Variants in NBEA observed in about 807,000 individuals in gnomAD.
The protein encoded by NBEA is neurobeachin.
NBEA carries 44 observed loss-of-function variants against 343.4 expected under a neutral mutation model. The ratio of observed to expected loss-of-function variants is 0.13; its 90% CI spans 0.10 to 0.16. NBEA has a LOEUF of 0.16. Among genes scored for constraint, NBEA ranks in the 10% least tolerant of loss-of-function variants. NBEA has a pLI of 1.00. For synonymous variants in NBEA, 1,175 were observed against 1,238.7 expected (o/e 0.95, Z 1.08); for missense variants, 2,555 against 3,631.3 (o/e 0.70, Z 7.62).
At chr13:35,387,464 A>G (rs759707487) in intron 38 of NBEA, among the ~76,000 whole-genome samples, 12 of 152,062 alleles carry the variant, frequency 7.9e-5, no homozygotes, top group Admixed American at 3.3e-4. Context: ...TTATATGGTC[A>G]ATAGTAACTT....
At chr13:35,183,552 A>G (rs892021481) in intron 29 of NBEA, among the ~76,000 whole-genome samples, 1 of 152,060 alleles carries the variant, frequency 6.6e-6, no homozygotes, top group Admixed American at 6.6e-5. Flanking sequence ...ACACACAAAC[A>G]TGAGAATATT....
At chr13:35,179,919 T>C in intron 28 of NBEA, 1 of 387,058 alleles carries the variant, frequency 2.6e-6, no homozygotes, top group Non-Finnish European at 3.5e-6. Flanking sequence ...GGAATATGCA[T>C]TTTAAACAGT....
intron 38 of NBEA, among the ~76,000 whole-genome samples, chr13:35,377,315 A>G (rs1176376286): frequency 1.3e-5 from 2 of 152,200 alleles, no homozygotes; most frequent in African/African-American, 4.8e-5. Flanking sequence ...TAGGGATTGC[A>G]AAGGGAGATG....
intron 34 of NBEA, among the ~76,000 whole-genome samples, chr13:35,235,917 G>A (rs1481035346): frequency 6.6e-6 from 1 of 151,980 alleles, no homozygotes; most frequent in East Asian, 1.9e-4. Flanking sequence ...ATGAAATACT[G>A]GAACGGGTTA....
At chr13:34,973,462 T>G (rs1412700494) in intron 1 of NBEA, among the ~76,000 whole-genome samples, 1 of 151,760 alleles carries the variant, frequency 6.6e-6, no homozygotes, top group Non-Finnish European at 1.5e-5. Flanking sequence ...TCCCAGGAAG[T>G]TTTCAAATCT....
At position 35,659,521 on chromosome 13, in the gene NBEA, T is replaced by C. The variant is rs566097568; in HGVS notation, c.8362+3772T>C. On this transcript the variant is annotated intron_variant, in intron 55 of 58. Transcript: ENST00000379939. ...GTATAGAAAGTATGTATGGTTTTAT[T>C]GTGTCAAATATATTGTGAAGAATGC... 3.3e-5 allele frequency among the ~76,000 whole-genome samples: 5 copies of C among 152,336 alleles called. No homozygotes were observed. The East Asian group carries it at 9.6e-4, about 29-fold the overall frequency.
chr13:35,156,661 A>C (rs1271686326), intron 20 of NBEA, among the ~76,000 whole-genome samples: 1 of 152,164 alleles, frequency 6.6e-6, no homozygotes, highest in East Asian at 1.9e-4. Flanking sequence ...CTGAGTCTAT[A>C]ATTTAACAAA....
chr13:35,202,296 C>T (rs2073075793), intron 31 of NBEA, among the ~76,000 whole-genome samples: 1 of 152,132 alleles, frequency 6.6e-6, no homozygotes, highest in Non-Finnish European at 1.5e-5. Flanking sequence ...GTTTGTGTGT[C>T]ATATTCCTTA....
At chr13:35,132,242 C>CT (rs1325388627) in intron 17 of NBEA, among the ~76,000 whole-genome samples, 10 of 152,152 alleles carry the variant, frequency 6.6e-5, no homozygotes. Flanking sequence ...ACTGAAACCT[C>CT]TGCTTCCCAT....
chr13:35,174,852 G>C (rs891308503), intron 27 of NBEA, among the ~76,000 whole-genome samples: 4 of 151,586 alleles, frequency 2.6e-5, no homozygotes, highest in Non-Finnish European at 5.9e-5. Flanking sequence ...GAGTGGAGTG[G>C]CATGATCTCG....
intron 6 of NBEA, among the ~76,000 whole-genome samples, chr13:35,053,308 A>G (rs961613314): frequency 6.6e-6 from 1 of 152,018 alleles, no homozygotes; most frequent in Non-Finnish European, 1.5e-5. Context: ...AAACCTACAC[A>G]CTGAGGAAAG....
At chr13:35,153,145 G>T (rs2068908888) in intron 18 of NBEA, among the ~76,000 whole-genome samples, 1 of 146,950 alleles carries the variant, frequency 6.8e-6, no homozygotes. Flanking sequence ...CCATTCTCCT[G>T]CCTCAGCCTC....
Position 35,211,103 on chromosome 13 carries a change from A to G in NBEA, c.5572A>G (p.Asn1858Asp). ...CTCTTCCTCCTCTTCTAGTTTTGTGAATGGTGCTACTAGCAAAAACCTTCC... is the reference window on the plus strand; with the variant it reads ...CTCTTCCTCCTCTTCTAGTTTTGTGGATGGTGCTACTAGCAAAAACCTTCC... Reference protein sequence around the residue: ...SSSSSSSSFVNGATSKNLPAV... With the variant: ...SSSSSSSSFVDGATSKNLPAV... Residue 1858 changes from asparagine (N) to aspartate (D), a missense_variant, in exon 33 of 59, where the codon AAT becomes GAT. Physicochemically the swap from Asn to Asp is conservative, Grantham distance 23. This residue lies in a region of NBEA where 84 missense variants were observed against 196.4 expected (regional missense o/e 0.43). Transcript: ENST00000379939. 6.4e-7 allele frequency: 1 copy of G among 1,551,656 alleles called. No individual in the cohort carries two copies. The highest frequency in any genetic ancestry group is 8.7e-7 in the Non-Finnish European group (1 of 1,146,838).
chr13:35,142,396 T>C lies in NBEA; in HGVS notation c.2445+19T>C, dbSNP rs1192464849. 1 of 1,579,684 alleles carries C rather than the reference T, an allele frequency of 6.3e-7. No individual in the cohort carries two copies. Among genetic ancestry groups the C allele is most frequent in the African/African-American group, 1.3e-5 (1 of 74,122 alleles). On this transcript the variant is annotated intron_variant, in intron 18 of 58. Transcript: ENST00000379939. ...TTATGAGGTAAAAATAAAAAATGTG[T>C]GATGAAAGTTTTAAGTGTATACAGT...
chr13:35,477,400 GC>G (rs1245974734), intron 41 of NBEA, among the ~76,000 whole-genome samples: 1 of 152,114 alleles, frequency 6.6e-6, no homozygotes, highest in Admixed American at 6.5e-5. Context: ...ACATCCCTCT[GC>G]CCCAGCAGAT....
chr13:35,668,247 A>G, intron 57 of NBEA, 121 bp from the exon 58 acceptor site: 1 of 886,038 alleles, frequency 1.1e-6, no homozygotes, highest in South Asian at 1.8e-5. Context: ...TGATAAGGGA[A>G]CTGTACTGAG....
At chr13:35,459,789 T>A (rs946548589) in intron 40 of NBEA, among the ~76,000 whole-genome samples, 11 of 152,174 alleles carry the variant, frequency 7.2e-5, no homozygotes, top group Admixed American at 5.2e-4. Flanking sequence ...GGAAACATAA[T>A]TAAAATAAAC....
At chr13:35,036,482 A>T (rs2062446502) in intron 1 of NBEA, among the ~76,000 whole-genome samples, 1 of 152,036 alleles carries the variant, frequency 6.6e-6, no homozygotes, top group South Asian at 2.1e-4. Context: ...GTGTACTTAT[A>T]TTACCAGTAA....
chr13:35,099,081 A>C (rs891561180), intron 11 of NBEA, among the ~76,000 whole-genome samples: 3 of 144,396 alleles, frequency 2.1e-5, no homozygotes, highest in Non-Finnish European at 4.5e-5. Context: ...AGTGGAGTGC[A>C]GTGGCATGAT....
Sources: gnomAD v4.1 joint callset for allele counts (sites outside exome capture counted in the v4.1 genomes callset) on GRCh38, gnomAD v4.1.1 for gene constraint, gnomAD v4.1.1 regional missense constraint, MANE v1.5 for transcripts, NCBI Gene and HGNC (gene_info 2026-07-23, HGNC 2026-07-21) for gene names.